The following TRPM3 variants were observed in gnomAD, a reference collection of about 807,000 sequenced individuals.
TRPM3 encodes the protein long transient receptor potential channel 3.
Under a neutral mutation model 181.2 loss-of-function variants are expected in TRPM3, and 77 were observed. That is an observed-to-expected ratio of 0.42 (90% CI 0.35 to 0.51). The LOEUF is 0.51. TRPM3 is among the 20% of genes least tolerant of loss of function. TRPM3 has a pLI of 0.01. For missense variants in TRPM3, 1,759 were observed against 2,196.7 expected (o/e 0.80, Z 3.98); for synonymous variants, 745 against 796.4 (o/e 0.94, Z 1.09).
intron 1 of TRPM3, among the ~76,000 whole-genome samples, chr9:70,894,340 A>G (rs1158774934): frequency 6.6e-6 from 1 of 152,206 alleles, no homozygotes; most frequent in African/African-American, 2.4e-5. Context: ...GGTCTGCTCT[A>G]GCCTATGAGG....
chr9:71,033,186 T>C (rs1400439493), intron 1 of TRPM3, among the ~76,000 whole-genome samples: 1 of 152,244 alleles, frequency 6.6e-6, no homozygotes, highest in Non-Finnish European at 1.5e-5. Context: ...GGAAATGTGG[T>C]ACTTAGAGAG....
chr9:70,857,367 C>T lies in TRPM3; in HGVS notation c.462+5541G>A, dbSNP rs371169248. ...TATGGGGGCTGGTCAAGCCTGGGAACGGAGGACTGAACACTACAAAGTACT... is the reference window on the plus strand; with the variant it reads ...TATGGGGGCTGGTCAAGCCTGGGAATGGAGGACTGAACACTACAAAGTACT... On this transcript the variant is annotated intron_variant, in intron 3 of 25. Coordinates refer to ENST00000677713, the MANE Select transcript of TRPM3 (RefSeq NM_001366145.2). Among the ~76,000 whole-genome samples, 26 of 152,158 alleles carry T rather than the reference C, an allele frequency of 1.7e-4. No homozygotes were observed. In the East Asian group the frequency reaches 4.5e-3, roughly 26 times the overall value.
chr9:71,343,357 C>T (rs1393363892), intron 1 of TRPM3, among the ~76,000 whole-genome samples: 1 of 152,146 alleles, frequency 6.6e-6, no homozygotes, highest in African/African-American at 2.4e-5. Flanking sequence ...GACAATACAA[C>T]TTCACTATCA....
At position 70,549,624 on chromosome 9, in the gene TRPM3, G is replaced by A; in HGVS notation, c.3625C>T (p.Gln1209Ter). The change falls in exon 25 of 26, where the codon CAA becomes TAA. Residue 1209 changes from glutamine (Q) to a stop codon, truncating the protein, a stop_gained. Coordinates refer to ENST00000677713, the MANE Select transcript of TRPM3 (RefSeq NM_001366145.2). LOFTEE classifies it high-confidence loss of function. ...ELKKVHDFEE[Q>*]CIEEYFREKD... ...TCTCTGAAGTATTCTTCTATGCATT[G>A]CTCTTCAAAGTCATGTACTTTCTTG... The A allele has an allele frequency of 6.2e-7, 1 of 1,612,396 alleles. No individual in the cohort carries two copies. The highest frequency in any genetic ancestry group is 8.5e-7 in the Non-Finnish European group (1 of 1,179,762).
chr9:70,598,729 G>A (rs534748867), intron 20 of TRPM3, 59 bp from the exon 21 acceptor site: 26 of 1,567,404 alleles, frequency 1.7e-5, no homozygotes, highest in South Asian at 1.7e-4. Context: ...TTTCAGCCCA[G>A]TTGGGAAGTG....
chr9:71,248,023 C>T (rs544418423), intron 1 of TRPM3, among the ~76,000 whole-genome samples: 2 of 152,158 alleles, frequency 1.3e-5, no homozygotes, highest in Non-Finnish European at 2.9e-5. Context: ...TCAGGGTCTT[C>T]AATCCAAGAA....
intron 1 of TRPM3, among the ~76,000 whole-genome samples, chr9:71,198,279 G>C (rs1432187235): frequency 6.6e-6 from 1 of 152,008 alleles, no homozygotes. Flanking sequence ...CTGTAGCCTT[G>C]TAGTATAGTT....
intron 22 of TRPM3, among the ~76,000 whole-genome samples, chr9:70,560,187 C>T (rs190639423): frequency 4.6e-5 from 7 of 152,208 alleles, no homozygotes; most frequent in East Asian, 3.9e-4. Context: ...AAACATGTGC[C>T]GAGGGGTGAA....
At chr9:70,914,940 C>G (rs1460482540) in intron 1 of TRPM3, among the ~76,000 whole-genome samples, 1 of 152,160 alleles carries the variant, frequency 6.6e-6, no homozygotes, top group Non-Finnish European at 1.5e-5. Flanking sequence ...GATTACAACA[C>G]CCAAGTCCTT....
intron 1 of TRPM3, among the ~76,000 whole-genome samples, chr9:71,369,261 A>G (rs1285457198): frequency 2.0e-5 from 3 of 152,170 alleles, no homozygotes; most frequent in Non-Finnish European, 4.4e-5. Flanking sequence ...CTGATGGAGG[A>G]GAAAAAAGAG....
Position 70,961,132 on chromosome 9 carries a change from A to G in TRPM3, c.178-96621T>C, listed in dbSNP as rs375674878. ...CACAAAGGTCCTTACAGAGGAAGGC[A>G]GGCGAGTAGGAGTCAGAGAGGAGAT... On this transcript the variant is annotated intron_variant, in intron 1 of 25. Transcript: ENST00000677713. 8.5e-5 allele frequency among the ~76,000 whole-genome samples: 13 copies of G among 152,316 alleles called. No individual in the cohort carries two copies. In the East Asian group the frequency reaches 1.2e-3, roughly 14 times the overall value.
At chr9:70,964,518 C>A (rs1305289433) in intron 1 of TRPM3, among the ~76,000 whole-genome samples, 1 of 152,028 alleles carries the variant, frequency 6.6e-6, no homozygotes, top group Non-Finnish European at 1.5e-5. Flanking sequence ...CAAGCATTCA[C>A]TGAGAAGTAA....
rs77465020 is a variant in TRPM3, at chr9:71,417,529, C to T, written c.183+29124G>A. Among the ~76,000 whole-genome samples the T allele has an allele frequency of 3.2e-3, 489 of 152,116 alleles. 17 individuals are homozygous for T. In the East Asian group the frequency reaches 0.085, roughly 26 times the overall value. On this transcript the variant is annotated intron_variant, in intron 1 of 24. Transcript: ENST00000357533. ...TACGCTAGCACAATGCCTGCCCCAACAGCAACTGAATGAGTAACTGGTCTT... is the reference window on the plus strand; with the variant it reads ...TACGCTAGCACAATGCCTGCCCCAATAGCAACTGAATGAGTAACTGGTCTT...
In TRPM3 at chr9:70,536,751, A is replaced by G. The variant is rs1311083903; in HGVS notation, c.4362T>C (p.Ser1454=). 3.7e-6 allele frequency: 6 copies of G among 1,614,168 alleles called. No homozygotes were observed. The highest frequency in any genetic ancestry group is 5.1e-6 in the Non-Finnish European group (6 of 1,180,030). Reference sequence around the variant, plus strand: ...TGGGTGCAAGTGTTGCATAGGCACTACTTGAAGGGGCTGTGGAAGGTACTG... The same window carrying G: ...TGGGTGCAAGTGTTGCATAGGCACTGCTTGAAGGGGCTGTGGAAGGTACTG... ...STPVPSTAPS[S]SAYATLAPTD... Residue 1454 remains serine (S), a synonymous_variant, in exon 26 of 26, where the codon AGT becomes AGC. Transcript: ENST00000677713.
At chr9:70,619,844 G>A (rs554724934) in intron 16 of TRPM3, among the ~76,000 whole-genome samples, 4 of 152,186 alleles carry the variant, frequency 2.6e-5, no homozygotes, top group South Asian at 2.1e-4. Flanking sequence ...GCATAACTAC[G>A]GGGCCTACCT....
rs540595705 is a variant in TRPM3 at position 71,263,173 on chromosome 9, T to C, written c.183+183480A>G. 2.9e-4 allele frequency among the ~76,000 whole-genome samples: 44 copies of C among 152,342 alleles called. 1 individual carries two copies. The East Asian group carries it at 2.9e-3, about 10-fold the overall frequency. On this transcript the variant is annotated intron_variant, in intron 1 of 24. Coordinates refer to the TRPM3 transcript ENST00000357533. ...AAACTATTACAATCCTGATTTTTAT[T>C]TGACATAAGTGCTTTCATAATAATT...
chr9:71,087,621 A>T (rs1350382123), intron 1 of TRPM3, among the ~76,000 whole-genome samples: 2 of 152,038 alleles, frequency 1.3e-5, no homozygotes, highest in Non-Finnish European at 2.9e-5. Flanking sequence ...TCACTGCATG[A>T]CTGGGTACAT....
chr9:70,755,400 C>T (rs1326471960), intron 8 of TRPM3, among the ~76,000 whole-genome samples: 11 of 149,366 alleles, frequency 7.4e-5, no homozygotes, highest in East Asian at 3.9e-4. Flanking sequence ...GATGGAGTTT[C>T]GCTCTTGTTG....
At chr9:71,125,481 G>A (rs190901700), upstream of TRPM3, among the ~76,000 whole-genome samples, 414 of 152,214 alleles carry the variant, frequency 2.7e-3, 4 homozygotes, top group Non-Finnish European at 2.4e-3. Context: ...GTTCGCTGAG[G>A]ATAATGGTTT....
Sources: gnomAD v4.1 joint callset for allele counts (sites outside exome capture counted in the v4.1 genomes callset) on GRCh38, gnomAD v4.1.1 for gene constraint, MANE v1.5 for transcripts, NCBI Gene and HGNC (gene_info 2026-07-23, HGNC 2026-07-21) for gene names.